Variants in RYR3 observed in about 807,000 individuals in gnomAD.
RYR3 encodes brain ryanodine receptor-calcium release channel.
RYR3 carries 207 observed loss-of-function variants against 584.3 expected under a neutral mutation model. The observed-to-expected ratio is 0.35, with a 90% CI of 0.32 to 0.40. The LOEUF is 0.40. Among genes scored for constraint, RYR3 ranks in the 10% least tolerant of loss-of-function variants. The pLI is 1.00. For missense variants in RYR3, 5,616 were observed against 6,089.2 expected (o/e 0.92, Z 2.59); for synonymous variants, 2,416 against 2,248.5 (o/e 1.07, Z -2.11).
chr15:33,704,457 A>T, intron 42 of RYR3, among the ~76,000 whole-genome samples: 1 of 152,154 alleles, frequency 6.6e-6, no homozygotes. Context: ...TGTGAAGGGT[A>T]CCAGCCACCT....
intron 59 of RYR3, 113 bp from the exon 60 acceptor site, chr15:33,757,362 T>G: frequency 8.4e-7 from 1 of 1,187,642 alleles, no homozygotes; most frequent in Non-Finnish European, 1.2e-6. Flanking sequence ...TCCTGGAAAT[T>G]ACAGGACCAG....
At chr15:33,738,696 C>T (rs2069761139) in intron 50 of RYR3, 106 bp downstream of exon 50, 1 of 1,230,376 alleles carries the variant, frequency 8.1e-7, no homozygotes, top group Non-Finnish European at 1.2e-6. Flanking sequence ...AGGACCTGTG[C>T]TAAGTACTTC....
At chr15:33,407,008 G>A (rs1315870337) in intron 1 of RYR3, among the ~76,000 whole-genome samples, 3 of 152,230 alleles carry the variant, frequency 2.0e-5, no homozygotes, top group African/African-American at 7.2e-5. Flanking sequence ...GGCAGGAATG[G>A]TATCTGGTGA....
intron 2 of RYR3, among the ~76,000 whole-genome samples, chr15:33,488,854 AAAC>A (rs1260121050): frequency 1.3e-5 from 2 of 150,572 alleles, no homozygotes; most frequent in East Asian, 3.9e-4. Flanking sequence ...CTATCTCAAA[AAAC>A]AAACAAACAA....
chr15:33,315,239 C>T (rs1477368491), intron 1 of RYR3, among the ~76,000 whole-genome samples: 1 of 152,158 alleles, frequency 6.6e-6, no homozygotes, highest in Non-Finnish European at 1.5e-5. Flanking sequence ...AGCGCGCTGT[C>T]TTGTGTTGGA....
intron 16 of RYR3, among the ~76,000 whole-genome samples, chr15:33,594,678 C>T (rs1291136550): frequency 2.0e-5 from 3 of 152,108 alleles, no homozygotes; most frequent in Admixed American, 2.0e-4. Flanking sequence ...CATTTAAGTG[C>T]ACCTGTTAGA....
chr15:33,740,170 G>T (rs957076200), intron 51 of RYR3, among the ~76,000 whole-genome samples, 175 bp downstream of exon 51: 1 of 152,118 alleles, frequency 6.6e-6, no homozygotes, highest in Non-Finnish European at 1.5e-5. Flanking sequence ...ATACATATCT[G>T]TATTATTATA....
intron 1 of RYR3, among the ~76,000 whole-genome samples, chr15:33,338,436 C>T (rs1971413112): frequency 1.3e-5 from 2 of 152,124 alleles, no homozygotes; most frequent in African/African-American, 4.8e-5. Flanking sequence ...GGGGAATCTG[C>T]ATTTTACATA....
At chr15:33,495,124 T>C (rs1228120948) in intron 2 of RYR3, among the ~76,000 whole-genome samples, 2 of 152,244 alleles carry the variant, frequency 1.3e-5, no homozygotes, top group Non-Finnish European at 2.9e-5. Flanking sequence ...TGAGCCCTGA[T>C]AGTCCCAGTA....
chr15:33,851,329 C>T (rs1357806921), intron 94 of RYR3: 4 of 151,624 alleles, frequency 2.6e-5, no homozygotes, highest in East Asian at 1.9e-4. Flanking sequence ...GTACTATATT[C>T]GAGTTTCTTC....
chr15:33,337,934 A>ATTTTTTTTTT lies in RYR3; in HGVS notation c.51+26857_51+26866dup, dbSNP rs199625940. Among the ~76,000 whole-genome samples, 71 of 113,588 alleles carry ATTTTTTTTTT rather than the reference A, an allele frequency of 6.3e-4. 5 individuals carry two copies. Among genetic ancestry groups the ATTTTTTTTTT allele is most frequent in the Non-Finnish European group, 8.0e-4 (46 of 57,718 alleles). The allele number at this position is 113,588 out of a possible 152,430, so 74.5% of individuals were successfully genotyped here. On this transcript the variant is annotated intron_variant, in intron 1 of 103. Coordinates refer to ENST00000634891, the MANE Select transcript of RYR3 (RefSeq NM_001036.6). ...AGACAAGTCTCAATCATTTTAGGAG[A>ATTTTTTTTTT]TTTTTTTTTTTTTTTTTTTTTTTTT...
intron 60 of RYR3, among the ~76,000 whole-genome samples, chr15:33,767,968 C>T (rs1284668318): frequency 1.3e-5 from 2 of 152,220 alleles, no homozygotes; most frequent in Non-Finnish European, 2.9e-5. Context: ...TGAGGCACAG[C>T]TGAACCTTCA....
chr15:33,693,814 C>T (rs1033030465), intron 38 of RYR3, among the ~76,000 whole-genome samples: 2 of 152,174 alleles, frequency 1.3e-5, no homozygotes, highest in African/African-American at 4.8e-5. Flanking sequence ...TGAGTTTGGA[C>T]AAGAGCAGGT....
At chr15:33,459,137 T>A (rs1410141578) in intron 1 of RYR3, among the ~76,000 whole-genome samples, 3 of 152,372 alleles carry the variant, frequency 2.0e-5, no homozygotes, top group Non-Finnish European at 4.4e-5. Flanking sequence ...TGGATTGGGC[T>A]AGGGCCCAGG....
At chr15:33,778,258 C>T (rs2074149540) in intron 64 of RYR3, among the ~76,000 whole-genome samples, 1 of 152,078 alleles carries the variant, frequency 6.6e-6, no homozygotes, top group South Asian at 2.1e-4. Flanking sequence ...TTTTCTTTCC[C>T]AATGCTCTCC....
chr15:33,728,485 G>C (rs1367154515), intron 46 of RYR3, among the ~76,000 whole-genome samples: 1 of 152,234 alleles, frequency 6.6e-6, no homozygotes, highest in African/African-American at 2.4e-5. Context: ...CAAAGTACAA[G>C]CTGCCTTCAG....
intron 10 of RYR3, among the ~76,000 whole-genome samples, chr15:33,559,286 A>G (rs888564111): frequency 6.6e-6 from 1 of 152,214 alleles, no homozygotes; most frequent in South Asian, 2.1e-4. Context: ...TAAGTAGAGA[A>G]GGCTTGATGG....
At chr15:33,349,042 T>G (rs981330182) in intron 1 of RYR3, among the ~76,000 whole-genome samples, 9 of 152,078 alleles carry the variant, frequency 5.9e-5, no homozygotes, top group African/African-American at 1.4e-4. Context: ...CAGACTGGTT[T>G]CTTTTGCTTA....
chr15:33,770,385 T>C (rs1009978060), intron 62 of RYR3, among the ~76,000 whole-genome samples: 1 of 152,210 alleles, frequency 6.6e-6, no homozygotes, highest in Admixed American at 6.5e-5. Flanking sequence ...TATTTTGTTT[T>C]GTTTTGTTTT....
Sources: gnomAD v4.1 joint callset for allele counts (sites outside exome capture counted in the v4.1 genomes callset) on GRCh38, gnomAD v4.1.1 for gene constraint, MANE v1.5 for transcripts, NCBI Gene and HGNC (gene_info 2026-07-23, HGNC 2026-07-21) for gene names.